TMTC2: variants seen among roughly 807,000 people sequenced by gnomAD.
TMTC2 encodes protein O-mannosyl-transferase TMTC2.
Under a neutral mutation model 82.4 loss-of-function variants are expected in TMTC2, and 43 were observed. The ratio of observed to expected loss-of-function variants is 0.52; its 90% CI spans 0.41 to 0.67. The LOEUF (loss-of-function observed/expected upper bound fraction) is 0.67, where lower values mean the gene tolerates loss of function less well. Among genes scored for constraint, TMTC2 ranks in the 30% least tolerant of loss-of-function variants. The pLI is 0.00. For missense variants in TMTC2, 919 were observed against 1,012.4 expected (o/e 0.91, Z 1.25); for synonymous variants, 408 against 381.9 (o/e 1.07, Z -0.80).
chr12:82,911,570 GTTTTCTAAGTATAAGCCGTA>G (rs1435563715), intron 3 of TMTC2, among the ~76,000 whole-genome samples: 1 of 152,018 alleles, frequency 6.6e-6, no homozygotes, highest in East Asian at 1.9e-4. Context: ...TGATAATATT[GTTTTCTAAGTATAAGCCGTA>G]TTCTTATTTA....
At chr12:82,736,640 T>C (rs150825624) in intron 1 of TMTC2, among the ~76,000 whole-genome samples, 337 of 152,352 alleles carry the variant, frequency 2.2e-3, no homozygotes, top group African/African-American at 7.8e-3. Flanking sequence ...GGCTAAAATT[T>C]TCTATGGTCT....
intron 2 of TMTC2, among the ~76,000 whole-genome samples, chr12:82,859,424 T>C (rs1871419691): frequency 6.6e-6 from 1 of 152,170 alleles, no homozygotes; most frequent in African/African-American, 2.4e-5. Context: ...ATTATTTGGC[T>C]ATGATGATTC....
At chr12:82,852,715 A>G (rs1871048462) in intron 1 of TMTC2, among the ~76,000 whole-genome samples, 1 of 152,178 alleles carries the variant, frequency 6.6e-6, no homozygotes, top group Admixed American at 6.5e-5. Context: ...ATCAAAATCT[A>G]TTATGCTTAG....
At chr12:82,715,369 A>ATGT (rs1873849663) in intron 1 of TMTC2, among the ~76,000 whole-genome samples, 1 of 152,052 alleles carries the variant, frequency 6.6e-6, no homozygotes, top group African/African-American at 2.4e-5. Flanking sequence ...TGAGATATGG[A>ATGT]TGTTTATATC....
At chr12:82,790,759 G>A (rs181042458) in intron 1 of TMTC2, among the ~76,000 whole-genome samples, 4 of 151,338 alleles carry the variant, frequency 2.6e-5, no homozygotes, top group Admixed American at 2.0e-4. Flanking sequence ...CCCGGGAGGC[G>A]GAGGTTACAG....
At chr12:83,065,264 T>A (rs1231656479) in intron 11 of TMTC2, among the ~76,000 whole-genome samples, 1 of 152,082 alleles carries the variant, frequency 6.6e-6, no homozygotes, top group Non-Finnish European at 1.5e-5. Flanking sequence ...TTTTCTATGA[T>A]ATGAAAGCCA....
chr12:82,934,432 A>G (rs1016746842), intron 4 of TMTC2, among the ~76,000 whole-genome samples: 1 of 143,728 alleles, frequency 7.0e-6, no homozygotes, highest in African/African-American at 2.6e-5. Flanking sequence ...CCCTGCGTCC[A>G]TGTGTTCTCA....
At chr12:82,866,946 C>T (rs1008145282) in intron 2 of TMTC2, among the ~76,000 whole-genome samples, 14 of 152,146 alleles carry the variant, frequency 9.2e-5, no homozygotes, top group African/African-American at 3.4e-4. Context: ...GGTAAGGTTG[C>T]ATAGGATTAT....
chr12:82,907,752 T>C (rs1196368063), intron 3 of TMTC2, among the ~76,000 whole-genome samples: 1 of 152,178 alleles, frequency 6.6e-6, no homozygotes, highest in Non-Finnish European at 1.5e-5. Context: ...TATGCTAAAA[T>C]ACTTGAGACT....
intron 1 of TMTC2, among the ~76,000 whole-genome samples, chr12:82,771,553 C>T (rs1056692763): frequency 6.6e-6 from 1 of 151,944 alleles, no homozygotes; most frequent in Non-Finnish European, 1.5e-5. Context: ...TGATTTGGTA[C>T]CCTTGCTTTC....
chr12:82,897,550 G>A (rs1028990467), intron 3 of TMTC2, among the ~76,000 whole-genome samples: 4 of 151,932 alleles, frequency 2.6e-5, no homozygotes, highest in African/African-American at 7.3e-5. Context: ...TTTTGAGACC[G>A]GGTCTTGCTC....
intron 3 of TMTC2, among the ~76,000 whole-genome samples, chr12:82,911,171 C>T (rs554020991): frequency 1.3e-5 from 2 of 152,116 alleles, no homozygotes; most frequent in African/African-American, 2.4e-5. Flanking sequence ...TGAGCCACTG[C>T]GCCCGGCGGG....
chr12:82,941,184 TA>T (rs989389659), intron 4 of TMTC2, among the ~76,000 whole-genome samples: 1 of 152,180 alleles, frequency 6.6e-6, no homozygotes, highest in Non-Finnish European at 1.5e-5. Flanking sequence ...ATCTTTCTTA[TA>T]TTTTTTTTAA....
At chr12:82,909,607 T>G (rs905470094) in intron 3 of TMTC2, among the ~76,000 whole-genome samples, 1 of 152,216 alleles carries the variant, frequency 6.6e-6, no homozygotes, top group Non-Finnish European at 1.5e-5. Flanking sequence ...CCCAAAGTGC[T>G]GGGATTACAG....
At chr12:82,968,504 T>A (rs1878317790) in intron 7 of TMTC2, among the ~76,000 whole-genome samples, 1 of 152,166 alleles carries the variant, frequency 6.6e-6, no homozygotes, top group South Asian at 2.1e-4. Flanking sequence ...ACTTATTATT[T>A]TATTCTTAAT....
At chr12:83,016,731 A>G (rs1592696053) in intron 8 of TMTC2, among the ~76,000 whole-genome samples, 1 of 152,200 alleles carries the variant, frequency 6.6e-6, no homozygotes. Flanking sequence ...ACATGTCTAC[A>G]ATGTAATAGC....
At chr12:82,868,630 T>C (rs571790739) in intron 2 of TMTC2, among the ~76,000 whole-genome samples, 1 of 152,094 alleles carries the variant, frequency 6.6e-6, no homozygotes, top group Admixed American at 6.5e-5. Context: ...ATATATTTTC[T>C]TTTAGCAAGG....
chr12:82,825,716 G>A (rs1285523366), intron 1 of TMTC2, among the ~76,000 whole-genome samples: 1 of 152,132 alleles, frequency 6.6e-6, no homozygotes, highest in African/African-American at 2.4e-5. Context: ...AATCAAATGG[G>A]ATACTTTGTC....
intron 7 of TMTC2, among the ~76,000 whole-genome samples, chr12:82,972,624 TGTG>T (rs1233907355): frequency 6.6e-6 from 1 of 152,148 alleles, no homozygotes; most frequent in African/African-American, 2.4e-5. Flanking sequence ...GAAAGAAACT[TGTG>T]GTATGGAAGA....
Sources: allele counts gnomAD v4.1 joint callset (sites outside exome capture counted in the v4.1 genomes callset), GRCh38; gene constraint gnomAD v4.1.1; transcripts MANE v1.5; gene names NCBI Gene and HGNC (gene_info 2026-07-23, HGNC 2026-07-21).